Variants in TEX14 observed in about 807,000 individuals in gnomAD.
TEX14 encodes the protein testis expressed 14, intercellular bridge forming factor, also known as inactive serine/threonine-protein kinase TEX14.
Under a neutral mutation model 178.6 loss-of-function variants are expected in TEX14, and 168 were observed. The ratio of observed to expected loss-of-function variants is 0.94; its 90% CI spans 0.83 to 1.07. The LOEUF (loss-of-function observed/expected upper bound fraction) is 1.07. Among genes scored for constraint, TEX14 ranks in the 50% least tolerant of loss-of-function variants. TEX14 has a pLI of 0.00. For synonymous variants in TEX14, 626 were observed against 634.1 expected (o/e 0.99, Z 0.19); for missense variants, 1,730 against 1,753.6 (o/e 0.99, Z 0.24).
At chr17:58,565,955 T>G in intron 26 of TEX14, 131 bp from the exon 27 acceptor site, 1 of 685,598 alleles carries the variant, frequency 1.5e-6, no homozygotes, top group Non-Finnish European at 2.5e-6. Flanking sequence ...TCGTTAGGAA[T>G]GCAAATTCTC....
chr17:58,626,408 A>C (rs7219112), intron 3 of TEX14, among the ~76,000 whole-genome samples: 28,061 of 151,800 alleles, frequency 0.18, 2,771 homozygotes, highest in Non-Finnish European at 0.21. Flanking sequence ...TCTACTAAAA[A>C]TACAAACAAA....
intron 19 of TEX14, among the ~76,000 whole-genome samples, chr17:58,582,167 A>G (rs2044837331): frequency 6.6e-6 from 1 of 152,196 alleles, no homozygotes; most frequent in Admixed American, 6.5e-5. Context: ...TCCCTTGAGT[A>G]TTATAGGTTA....
chr17:58,582,939 C>A (rs1485835642), intron 19 of TEX14, among the ~76,000 whole-genome samples: 1 of 150,768 alleles, frequency 6.6e-6, no homozygotes, highest in African/African-American at 2.4e-5. Flanking sequence ...GACCTGATTA[C>A]TATGTGGCCA....
intron 23 of TEX14, among the ~76,000 whole-genome samples, chr17:58,572,699 A>G (rs1050936558): frequency 6.6e-6 from 1 of 152,176 alleles, no homozygotes; most frequent in African/African-American, 2.4e-5. Context: ...CATGGTATAA[A>G]AAATAATAGT....
At chr17:58,666,459 A>AAAC (rs1491358661) in intron 1 of TEX14, 65 of 6,306 alleles carry the variant, frequency 0.01, no homozygotes, top group Non-Finnish European at 0.032. Flanking sequence ...CTTCCACGGC[A>AAAC]AAAAAAAAAA....
intron 19 of TEX14, chr17:58,581,849 C>A (rs1598355868): frequency 9.1e-7 from 1 of 1,100,428 alleles, no homozygotes; most frequent in African/African-American, 1.6e-5. Context: ...CAGTGTGACA[C>A]TGAGCTGACT....
At chr17:58,600,906 G>A (rs148021612) in intron 13 of TEX14, among the ~76,000 whole-genome samples, 3 of 152,226 alleles carry the variant, frequency 2.0e-5, no homozygotes, top group East Asian at 1.9e-4. Flanking sequence ...CCTGATGACT[G>A]CAAGGTCCTT....
At chr17:58,656,925 CAAAA>C (rs60626361) in intron 1 of TEX14, among the ~76,000 whole-genome samples, 114 of 79,522 alleles carry the variant, frequency 1.4e-3, no homozygotes, top group Non-Finnish European at 1.7e-3. Flanking sequence ...TCCCATCTCA[CAAAA>C]AAAAAAAAAA....
intron 19 of TEX14, among the ~76,000 whole-genome samples, chr17:58,579,989 T>C (rs2044773161): frequency 6.6e-6 from 1 of 152,178 alleles, no homozygotes; most frequent in South Asian, 2.1e-4. Context: ...CTATCCCTAT[T>C]CAACCCAATC....
chr17:58,616,997 TC>T (rs149907113), intron 6 of TEX14, among the ~76,000 whole-genome samples: 5,361 of 152,234 alleles, frequency 0.035, 148 homozygotes, highest in East Asian at 0.077. Flanking sequence ...ACGCCTGTAA[TC>T]CCAGCACTTT....
chr17:58,570,616 CTTTTTTT>C (rs71143252), intron 24 of TEX14, 132 bp from the exon 25 acceptor site: 147 of 87,900 alleles, frequency 1.7e-3, no homozygotes, highest in South Asian at 6.9e-3. Context: ...GGGAAGCCTC[CTTTTTTT>C]TTTTTTTTTT....
At chr17:58,600,413 T>C (rs2045402912) in intron 13 of TEX14, among the ~76,000 whole-genome samples, 2 of 151,676 alleles carry the variant, frequency 1.3e-5, no homozygotes, top group East Asian at 1.9e-4. Context: ...TACAAAAAAT[T>C]AGCCAGGCAT....
At position 58,651,942 on chromosome 17, in the gene TEX14, A is replaced by G. The variant is rs1435151347; in HGVS notation, c.60T>C (p.Asn20=). The G allele has an allele frequency of 1.2e-6, 2 of 1,613,452 alleles. No individual in the cohort carries two copies. Among genetic ancestry groups the G allele is most frequent in the Admixed American group, 3.3e-5 (2 of 59,758 alleles). Residue 20 remains asparagine, a synonymous_variant, in exon 2 of 32, where the codon AAT becomes AAC. Coordinates refer to ENST00000349033, the MANE Select transcript of TEX14 (RefSeq NM_031272.5). ...CATGAAGCTGAGCTTCCAGGGAGTC[A>G]TTTCTTAAGGTACCAAGTTGAACAG... ...PCPVQLGTLR[N]DSLEAQLHEY...
chr17:58,574,943 C>T (rs1480250429), intron 21 of TEX14, among the ~76,000 whole-genome samples: 1 of 152,054 alleles, frequency 6.6e-6, no homozygotes, highest in Non-Finnish European at 1.5e-5. Flanking sequence ...AAGAAGCTTC[C>T]TGGCATAGTG....
chr17:58,590,333 C>A (rs1375527904), intron 15 of TEX14, among the ~76,000 whole-genome samples: 2 of 151,352 alleles, frequency 1.3e-5, no homozygotes, highest in African/African-American at 4.9e-5. Context: ...AGAGCGAGAC[C>A]CTGTCTTAAA....
At chr17:58,605,924 TG>T (rs1167104801) in intron 10 of TEX14, among the ~76,000 whole-genome samples, 2 of 152,210 alleles carry the variant, frequency 1.3e-5, no homozygotes, top group Non-Finnish European at 1.5e-5. Context: ...TTTATATCAC[TG>T]TACTTCTGGG....
chr17:58,607,151 A>T (rs992762042), intron 10 of TEX14, among the ~76,000 whole-genome samples: 6 of 152,132 alleles, frequency 3.9e-5, no homozygotes, highest in African/African-American at 1.4e-4. Context: ...TGTTACCAAA[A>T]ATAAATGTGG....
Position 58,564,910 on chromosome 17 carries a change from A to T in TEX14, c.4023T>A (p.Leu1341=). Reference sequence around the variant, plus strand: ...CAAGATCTTCAGTTTCTTTGGACAAAAGCATACTACTATCTTCTTTTTTAC... The same window carrying T: ...CAAGATCTTCAGTTTCTTTGGACAATAGCATACTACTATCTTCTTTTTTAC... ...TDSKKEDSSM[L]LSKETEDLGE... Residue 1341 remains leucine (L), a synonymous_variant, in exon 28 of 32, where the codon CTT becomes CTA. Coordinates refer to ENST00000349033, the MANE Select transcript of TEX14 (RefSeq NM_031272.5). The T allele has an allele frequency of 6.2e-7, 1 of 1,607,710 alleles. No individual in the cohort carries two copies. Among genetic ancestry groups the T allele is most frequent in the Non-Finnish European group, 8.5e-7 (1 of 1,177,346 alleles).
Position 58,600,628 on chromosome 17 carries a change from TA to T in TEX14, c.1679-963del, listed in dbSNP as rs1222221299. ...TACATTATGGGAGTAATGAAAAAAC[TA>T]AAAAATTTATGCTAGGATTGACCAC... On this transcript the variant is annotated intron_variant, in intron 13 of 31. Transcript: ENST00000349033. Among the ~76,000 whole-genome samples the T allele has an allele frequency of 7.4e-5, 11 of 149,522 alleles. No individual in the cohort carries two copies. The East Asian group carries it at 2.2e-3, about 30-fold the overall frequency.
Sources: allele counts gnomAD v4.1 joint callset (sites outside exome capture counted in the v4.1 genomes callset), GRCh38; gene constraint gnomAD v4.1.1; transcripts MANE v1.5; gene names NCBI Gene and HGNC (gene_info 2026-07-23, HGNC 2026-07-21).